KIF14: variants seen among roughly 807,000 people sequenced by gnomAD.
KIF14 encodes the protein kinesin-like protein KIF14.
Under a neutral mutation model 176.2 loss-of-function variants are expected in KIF14, and 98 were observed. The observed-to-expected ratio is 0.56, with a 90% CI of 0.47 to 0.66. The LOEUF (loss-of-function observed/expected upper bound fraction) is 0.66. KIF14 is among the 30% of genes least tolerant of loss of function. The pLI, the probability that KIF14 is intolerant of heterozygous loss-of-function variation, is 0.00. For synonymous variants in KIF14, 566 were observed against 632.2 expected (o/e 0.90, Z 1.57); for missense variants, 1,751 against 1,920.4 (o/e 0.91, Z 1.65).
Position 200,553,334 on chromosome 1 carries a change from G to A in KIF14, c.*54C>T, listed in dbSNP as rs1656647461. 2.0e-6 allele frequency: 3 copies of A among 1,502,208 alleles called. No homozygotes were observed. The highest frequency in any genetic ancestry group is 2.7e-6 in the Non-Finnish European group (3 of 1,121,770). The allele number at this position is 1,502,208 out of a possible 1,614,324, so 93.1% of individuals were successfully genotyped here. A position where few individuals can be genotyped will look rare whatever the true frequency, so the allele number is the denominator to read the frequency against. ...TCTCCTGCATAAAGAAAATTACCGA[G>A]CAAGTGTTCTTTTTCTTTCATGGGT... is the stretch of plus-strand genomic sequence containing the variant. On this transcript the variant is annotated 3_prime_UTR_variant, in exon 30 of 30. Transcript: ENST00000367350.
intron 17 of KIF14, among the ~76,000 whole-genome samples, chr1:200,589,612 G>T (rs1455380890): frequency 2.0e-5 from 3 of 148,796 alleles, no homozygotes; most frequent in African/African-American, 7.4e-5. Context: ...CTAGAGGACA[G>T]AAGTTTCTCT....
chr1:200,583,916 T>C (rs1341976199), intron 19 of KIF14, among the ~76,000 whole-genome samples: 1 of 148,644 alleles, frequency 6.7e-6, no homozygotes, highest in African/African-American at 2.5e-5. Flanking sequence ...CATTCCAGCC[T>C]GGGCAACAAC....
chr1:200,617,623 A>G lies in KIF14; in HGVS notation c.1101T>C (p.Pro367=). Residue 367 remains proline (P), a synonymous_variant, in exon 2 of 30, where the codon CCT becomes CCC. Coordinates refer to ENST00000367350, the MANE Select transcript of KIF14 (RefSeq NM_014875.3). ...AAGGCATCACATACCTCTTGGTGAA[A>G]GGTCTTACGCGTACTGCCACTGTCA... ...SQVTVAVRVR[P]FTKREKIEKA... is the part of the protein sequence containing the mutation. 6.3e-7 allele frequency: 1 copy of G among 1,598,174 alleles called. No individual in the cohort carries two copies. The highest frequency in any genetic ancestry group is 1.1e-5 in the South Asian group (1 of 89,470).
chr1:200,590,840 C>G (rs1281001130), intron 16 of KIF14, among the ~76,000 whole-genome samples: 5 of 152,088 alleles, frequency 3.3e-5, no homozygotes, highest in African/African-American at 9.7e-5. Flanking sequence ...GCCTGGGCAA[C>G]ATGGTGAAAC....
intron 22 of KIF14, 63 bp from the exon 23 acceptor site, chr1:200,570,068 T>C: frequency 1.3e-6 from 1 of 753,910 alleles, no homozygotes; most frequent in Non-Finnish European, 2.1e-6. Context: ...TTATTAAGAA[T>C]ATTTATAAGT....
rs67447333 is a variant in KIF14, at chr1:200,614,790, C to CAAA, written c.1368-388_1368-386dup. Among the ~76,000 whole-genome samples the CAAA allele has an allele frequency of 1.1e-3, 84 of 74,880 alleles. 1 individual carries two copies. The highest frequency in any genetic ancestry group is 3.5e-3 in the African/African-American group (63 of 17,874). The allele number at this position is 74,880 out of a possible 152,430, so 49.1% of individuals were successfully genotyped here. On this transcript the variant is annotated intron_variant, in intron 3 of 29. Coordinates refer to ENST00000367350, the MANE Select transcript of KIF14 (RefSeq NM_014875.3). ...TCGCTCTTCACAACAAACCTTGCTACAAAAAAAAAAAAAAAAAAAAAAAAA... is the reference window on the plus strand; with the variant it reads ...TCGCTCTTCACAACAAACCTTGCTACAAAAAAAAAAAAAAAAAAAAAAAAAAAA...
chr1:200,583,972 G>C (rs1057368021), intron 19 of KIF14, among the ~76,000 whole-genome samples: 2 of 151,238 alleles, frequency 1.3e-5, no homozygotes, highest in African/African-American at 4.9e-5. Flanking sequence ...GCCGGGCCCC[G>C]GTGGCTCACA....
intron 23 of KIF14, among the ~76,000 whole-genome samples, chr1:200,567,029 C>T (rs1400303243): frequency 6.6e-6 from 1 of 150,892 alleles, no homozygotes; most frequent in Non-Finnish European, 1.5e-5. Context: ...GAAAAATCAG[C>T]CAGGCATGGT....
In KIF14 at chr1:200,618,650, G is replaced by T. The variant is rs1308201380; in HGVS notation, c.74C>A (p.Ser25Ter). The change falls in exon 2 of 30, where the codon TCA becomes TAA. Residue 25 changes from serine (S) to a stop codon, truncating the protein, a stop_gained. Coordinates refer to ENST00000367350, the MANE Select transcript of KIF14 (RefSeq NM_014875.3). LOFTEE classifies it high-confidence loss of function. ...ILDIPSSQNS[S>*]SLNALTHSSR... is the part of the protein sequence containing the mutation. ...ACTGTGGGTGAGGGCATTCAGTGAT[G>T]AACTATTTTGGGAAGAAGGAATATC... 6.2e-7 allele frequency: 1 copy of T among 1,613,678 alleles called. No individual in the cohort carries two copies. The highest frequency in any genetic ancestry group is 8.5e-7 in the Non-Finnish European group (1 of 1,179,832).
chr1:200,605,759 A>G (rs1659848801), intron 7 of KIF14, 105 bp downstream of exon 7: 2 of 706,902 alleles, frequency 2.8e-6, no homozygotes, highest in Admixed American at 6.3e-5. Context: ...AAATTAAGGA[A>G]ACTAACCTTT....
intron 25 of KIF14, among the ~76,000 whole-genome samples, chr1:200,563,664 C>T (rs1657283280): frequency 6.6e-6 from 1 of 152,118 alleles, no homozygotes; most frequent in Non-Finnish European, 1.5e-5. Flanking sequence ...TCCCAAAGTC[C>T]TAGTATTATA....
At chr1:200,560,928 A>C in intron 25 of KIF14, 48 bp from the exon 26 acceptor site, 1 of 1,551,446 alleles carries the variant, frequency 6.4e-7, no homozygotes, top group Non-Finnish European at 8.9e-7. Flanking sequence ...AGATTATAAC[A>C]GGTGGTAAAG....
Position 200,613,227 on chromosome 1 carries a change from A to G in KIF14, c.1455+1091T>C, listed in dbSNP as rs978232260. On this transcript the variant is annotated intron_variant, in intron 4 of 29. Coordinates refer to ENST00000367350, the MANE Select transcript of KIF14 (RefSeq NM_014875.3). ...TTATCACTTTCCACCCTCAAATTCC[A>G]TGCTCAAAACACAGTGAACAATTTA... 4.5e-4 allele frequency among the ~76,000 whole-genome samples: 68 copies of G among 152,106 alleles called. 1 individual carries two copies. Among genetic ancestry groups the G allele is most frequent in the African/African-American group, 1.5e-3 (62 of 41,514 alleles).
chr1:200,597,832 G>A (rs1159036235), intron 14 of KIF14, among the ~76,000 whole-genome samples: 6 of 152,122 alleles, frequency 3.9e-5, no homozygotes, highest in Non-Finnish European at 5.9e-5. Flanking sequence ...GTTTACATAC[G>A]CTATCATTCC....
In KIF14 at chr1:200,586,212, T is replaced by A; in HGVS notation, c.3130A>T (p.Ser1044Cys). Residue 1044 changes from serine (S) to cysteine (C), a missense_variant, in exon 19 of 30, where the codon AGC (serine) becomes TGC (cysteine). Physicochemically the swap from Ser to Cys is moderately radical, Grantham distance 112 (BLOSUM62 -1). Transcript: ENST00000367350. ...LATKQALEDH[S>C]IRHARILEAL... Reference sequence around the variant, plus strand: ...TCCAGAATTCTTGCATGGCGGATGCTATGGTCTTCTAAAGCCTAATTGATA... The same window carrying A: ...TCCAGAATTCTTGCATGGCGGATGCAATGGTCTTCTAAAGCCTAATTGATA... 1 of 1,596,902 alleles carries A rather than the reference T, an allele frequency of 6.3e-7. No homozygotes were observed. Among genetic ancestry groups the A allele is most frequent in the African/African-American group, 1.3e-5 (1 of 74,636 alleles).
intron 22 of KIF14, among the ~76,000 whole-genome samples, chr1:200,574,309 C>T (rs1437990199): frequency 1.3e-5 from 2 of 152,174 alleles, no homozygotes; most frequent in Admixed American, 6.5e-5. Context: ...AAATTAAACT[C>T]CTCTTAAATG....
chr1:200,598,380 G>A lies in KIF14; in HGVS notation c.2406C>T (p.Asn802=), dbSNP rs151080379. 6.2e-6 allele frequency: 10 copies of A among 1,609,510 alleles called. No individual in the cohort carries two copies. Among genetic ancestry groups the A allele is most frequent in the South Asian group, 1.1e-5 (1 of 89,312 alleles). Residue 802 remains asparagine, a synonymous_variant, in exon 14 of 30, where the codon AAC becomes AAT. Coordinates refer to ENST00000367350, the MANE Select transcript of KIF14 (RefSeq NM_014875.3). ...GTGGATCTTCATTCAGATTAACAAG[G>A]TTTGGTAAATGATTGTCCATTTGAA... The part of the protein sequence containing the change: ...IMFQMDNHLP[N]LVNLNEDPQL...
intron 25 of KIF14, among the ~76,000 whole-genome samples, chr1:200,564,260 CAAAAAAAAAAA>C (rs57025286): frequency 1.5e-5 from 1 of 66,328 alleles, no homozygotes; most frequent in Non-Finnish European, 3.1e-5. Flanking sequence ...GACTCCAGCT[CAAAAAAAAAAA>C]AAAAAAAAGG....
chr1:200,605,810 T>G (rs1659851373), intron 7 of KIF14, 54 bp downstream of exon 7: 2 of 1,097,150 alleles, frequency 1.8e-6, no homozygotes, highest in Admixed American at 5.3e-5. Context: ...TTCTTATAAA[T>G]ATTTAGGATT....
Sources: gnomAD v4.1 joint callset for allele counts (sites outside exome capture counted in the v4.1 genomes callset) on GRCh38, gnomAD v4.1.1 for gene constraint, MANE v1.5 for transcripts, NCBI Gene and HGNC (gene_info 2026-07-23, HGNC 2026-07-21) for gene names.